The following CFAP61 variants were observed in gnomAD, a reference collection of about 807,000 sequenced individuals.
CFAP61 encodes cilia- and flagella-associated protein 61.
A neutral mutation model predicts 135.6 loss-of-function variants in CFAP61; 107 were observed. That is an observed-to-expected ratio of 0.79 (90% CI 0.67 to 0.93). CFAP61 has a LOEUF of 0.93. Ranked by LOEUF, CFAP61 falls within the 40% of genes least tolerant of loss-of-function variation. CFAP61 has a pLI of 0.00. For missense variants in CFAP61, 1,507 were observed against 1,556.2 expected (o/e 0.97, Z 0.53); for synonymous variants, 575 against 578.5 (o/e 0.99, Z 0.09).
intron 26 of CFAP61, among the ~76,000 whole-genome samples, chr20:20,352,435 G>C (rs1469897306): frequency 6.6e-6 from 1 of 152,152 alleles, no homozygotes; most frequent in Admixed American, 6.5e-5. Flanking sequence ...AATGAAATTT[G>C]GGTGGGGACA....
At chr20:20,351,959 G>A (rs1466002174) in intron 26 of CFAP61, among the ~76,000 whole-genome samples, 4 of 151,576 alleles carry the variant, frequency 2.6e-5, no homozygotes, top group Non-Finnish European at 5.9e-5. Flanking sequence ...AAAAAAAAAC[G>A]GAAGGCATAA....
At chr20:20,220,124 G>C (rs1007777288) in intron 17 of CFAP61, 1 of 152,312 alleles carries the variant, frequency 6.6e-6, no homozygotes, top group Admixed American at 6.5e-5. Flanking sequence ...CTACCCCCCA[G>C]CCTCCGCGGA....
At chr20:20,059,859 G>A (rs2044665851) in intron 2 of CFAP61, among the ~76,000 whole-genome samples, 1 of 152,098 alleles carries the variant, frequency 6.6e-6, no homozygotes, top group African/African-American at 2.4e-5. Context: ...ACCTAGTCTA[G>A]TTAGACTTTT....
intron 21 of CFAP61, among the ~76,000 whole-genome samples, chr20:20,266,614 C>G (rs1352054738): frequency 6.6e-6 from 1 of 152,112 alleles, no homozygotes; most frequent in Non-Finnish European, 1.5e-5. Flanking sequence ...ACAAGAGAAC[C>G]CTTGAATGAA....
At chr20:20,062,122 A>T (rs2044849576) in intron 2 of CFAP61, among the ~76,000 whole-genome samples, 1 of 152,082 alleles carries the variant, frequency 6.6e-6, no homozygotes, top group South Asian at 2.1e-4. Context: ...TACATGGAGG[A>T]GAATTGAGGA....
intron 2 of CFAP61, among the ~76,000 whole-genome samples, chr20:20,067,765 ATATG>A (rs2045403544): frequency 1.8e-5 from 1 of 56,816 alleles, no homozygotes; most frequent in South Asian, 6.9e-4. Flanking sequence ...ATATTATTAT[ATATG>A]TATTTATTAT....
intron 8 of CFAP61, among the ~76,000 whole-genome samples, chr20:20,103,072 G>A (rs1042280911): frequency 6.6e-6 from 1 of 152,162 alleles, no homozygotes; most frequent in Non-Finnish European, 1.5e-5. Flanking sequence ...GGCTGGTGTG[G>A]TGCAGAGAAG....
intron 26 of CFAP61, among the ~76,000 whole-genome samples, chr20:20,350,198 A>T (rs1195300401): frequency 1.3e-5 from 2 of 152,258 alleles, no homozygotes; most frequent in African/African-American, 4.8e-5. Context: ...AATAGTGAAG[A>T]TATGGGGAAA....
intron 25 of CFAP61, among the ~76,000 whole-genome samples, chr20:20,322,245 T>C (rs1008174631): frequency 6.6e-6 from 1 of 152,138 alleles, no homozygotes; most frequent in South Asian, 2.1e-4. Flanking sequence ...GTAAGCATAA[T>C]AAAATGGCTG....
chr20:20,265,016 A>T (rs1402928380), intron 21 of CFAP61, among the ~76,000 whole-genome samples: 1 of 152,238 alleles, frequency 6.6e-6, no homozygotes, highest in Non-Finnish European at 1.5e-5. Context: ...TTGTGTTCTG[A>T]TAAAATTTAT....
intron 25 of CFAP61, among the ~76,000 whole-genome samples, chr20:20,324,644 ATAT>A (rs1412240057): frequency 6.6e-6 from 1 of 152,214 alleles, no homozygotes. Context: ...TTTGATCAAG[ATAT>A]TATTTTAAAT....
intron 22 of CFAP61, among the ~76,000 whole-genome samples, chr20:20,284,068 C>G (rs1049607715): frequency 8.5e-5 from 13 of 152,140 alleles, no homozygotes; most frequent in Admixed American, 2.6e-4. Flanking sequence ...CTTTCTATCT[C>G]TGCATTTTAT....
intron 21 of CFAP61, among the ~76,000 whole-genome samples, chr20:20,269,117 CTATA>C (rs142189443): frequency 0.027 from 2,802 of 104,472 alleles, 115 homozygotes; most frequent in African/African-American, 0.079. Flanking sequence ...TATTCGTGGG[CTATA>C]TATATATATA....
chr20:20,240,203 A>G (rs191095332), intron 18 of CFAP61, among the ~76,000 whole-genome samples: 18 of 152,378 alleles, frequency 1.2e-4, no homozygotes, highest in African/African-American at 4.3e-4. Context: ...TCACTGTAGT[A>G]TAGTACATTG....
In CFAP61 at chr20:20,360,518, C is replaced by T; in HGVS notation, c.*108C>T. ...AGCCTGGTTTGACAGCGAAGCCAGCCCCTGGTGGTTTTGTTCATTCCTTTC... is the reference window on the plus strand; with the variant it reads ...AGCCTGGTTTGACAGCGAAGCCAGCTCCTGGTGGTTTTGTTCATTCCTTTC... On this transcript the variant is annotated 3_prime_UTR_variant, in exon 27 of 27. Coordinates refer to ENST00000245957, the MANE Select transcript of CFAP61 (RefSeq NM_015585.4). 1 of 1,022,420 alleles carries T rather than the reference C, an allele frequency of 9.8e-7. No individual in the cohort carries two copies. Among genetic ancestry groups the T allele is most frequent in the Non-Finnish European group, 1.5e-6 (1 of 685,700 alleles). The allele number at this position is 1,022,420 out of a possible 1,614,324, so 63.3% of individuals were successfully genotyped here. A position where few individuals can be genotyped will look rare whatever the true frequency, so the allele number is the denominator to read the frequency against.
chr20:20,332,981 C>T (rs1458478794), intron 25 of CFAP61, among the ~76,000 whole-genome samples: 1 of 152,102 alleles, frequency 6.6e-6, no homozygotes, highest in African/African-American at 2.4e-5. Flanking sequence ...TGTCCTCTTA[C>T]CTTTATTGCT....
chr20:20,329,809 C>T (rs566606849), intron 25 of CFAP61, among the ~76,000 whole-genome samples: 42 of 152,368 alleles, frequency 2.8e-4, no homozygotes, highest in Non-Finnish European at 3.1e-4. Context: ...TTGCAAACAC[C>T]GACTCCTTCT....
chr20:20,344,191 C>A (rs2058551982), intron 26 of CFAP61, among the ~76,000 whole-genome samples: 1 of 152,220 alleles, frequency 6.6e-6, no homozygotes, highest in Non-Finnish European at 1.5e-5. Context: ...GCCAGACCCT[C>A]CCATTCCTGC....
At chr20:20,125,990 C>A (rs1476742476) in intron 8 of CFAP61, among the ~76,000 whole-genome samples, 3 of 151,718 alleles carry the variant, frequency 2.0e-5, no homozygotes, top group Non-Finnish European at 2.9e-5. Context: ...CTTTTAACTG[C>A]TGTTGCTTTA....
Sources: allele counts gnomAD v4.1 joint callset (sites outside exome capture counted in the v4.1 genomes callset), GRCh38; gene constraint gnomAD v4.1.1; transcripts MANE v1.5; gene names NCBI Gene and HGNC (gene_info 2026-07-23, HGNC 2026-07-21).